The following MAGI2 variants were observed in gnomAD, a reference collection of about 807,000 sequenced individuals.
The protein encoded by MAGI2 is membrane-associated guanylate kinase, WW and PDZ domain-containing protein 2.
Under a neutral mutation model 133.3 loss-of-function variants are expected in MAGI2, and 35 were observed. That is an observed-to-expected ratio of 0.26 (90% CI 0.20 to 0.35). The LOEUF is 0.35. Among genes scored for constraint, MAGI2 ranks in the 10% least tolerant of loss-of-function variants. MAGI2 has a pLI of 1.00. For synonymous variants in MAGI2, 729 were observed against 710.6 expected (o/e 1.03, Z -0.41); for missense variants, 1,636 against 1,863.4 (o/e 0.88, Z 2.25).
intron 3 of MAGI2, among the ~76,000 whole-genome samples, chr7:78,601,907 G>T (rs2150880395): frequency 6.6e-6 from 1 of 152,268 alleles, no homozygotes; most frequent in East Asian, 1.9e-4. Context: ...GTATAAATCT[G>T]CCTTTGTCTT....
At chr7:78,838,605 C>T (rs1224419616) in intron 2 of MAGI2, among the ~76,000 whole-genome samples, 1 of 151,272 alleles carries the variant, frequency 6.6e-6, no homozygotes, top group African/African-American at 2.4e-5. Context: ...ATTCTTATGG[C>T]CAAACGTTTC....
intron 1 of MAGI2, among the ~76,000 whole-genome samples, chr7:79,090,575 T>C (rs1562878835): frequency 6.6e-6 from 1 of 152,134 alleles, no homozygotes; most frequent in East Asian, 1.9e-4. Context: ...TCGTAGCTCA[T>C]GCGACATGTA....
At chr7:78,696,207 G>A (rs2151135559) in intron 2 of MAGI2, among the ~76,000 whole-genome samples, 1 of 152,116 alleles carries the variant, frequency 6.6e-6, no homozygotes, top group African/African-American at 2.4e-5. Context: ...CAAAGTGTTG[G>A]GATTACAGGC....
intron 1 of MAGI2, among the ~76,000 whole-genome samples, chr7:79,123,899 T>G (rs1368398162): frequency 1.3e-5 from 2 of 152,246 alleles, no homozygotes; most frequent in East Asian, 3.9e-4. Context: ...TTTAGTTGTC[T>G]TATTTGTTGT....
intron 21 of MAGI2, among the ~76,000 whole-genome samples, chr7:78,058,003 A>ATATGTGTGTGTGTGTGTGTGTGTGTGTG: frequency 5.1e-5 from 6 of 117,058 alleles, no homozygotes; most frequent in African/African-American, 2.0e-4. Flanking sequence ...ATATATATAT[A>ATATGTGTGTGTGTGTGTGTGTGTGTGTG]TGTATGAGAA....
At chr7:78,691,011 C>T (rs975368090) in intron 2 of MAGI2, among the ~76,000 whole-genome samples, 1 of 151,550 alleles carries the variant, frequency 6.6e-6, no homozygotes, top group Admixed American at 6.6e-5. Flanking sequence ...CTTGACTTTT[C>T]TTTTCCATAT....
At chr7:78,462,505 A>C (rs1398433346) in intron 6 of MAGI2, among the ~76,000 whole-genome samples, 1 of 152,220 alleles carries the variant, frequency 6.6e-6, no homozygotes, top group Admixed American at 6.5e-5. Context: ...TTAATATTGA[A>C]AATCTATTGC....
chr7:78,866,941 G>C (rs1044566432), intron 2 of MAGI2, among the ~76,000 whole-genome samples: 3 of 152,048 alleles, frequency 2.0e-5, no homozygotes, highest in Non-Finnish European at 4.4e-5. Context: ...ATGAAAAAAT[G>C]CTCACCATCA....
intron 3 of MAGI2, among the ~76,000 whole-genome samples, chr7:78,607,804 T>A (rs1470678511): frequency 1.3e-5 from 2 of 152,168 alleles, no homozygotes; most frequent in Admixed American, 1.3e-4. Flanking sequence ...GGCACACAGA[T>A]CCATGAGAGC....
intron 2 of MAGI2, among the ~76,000 whole-genome samples, chr7:78,904,630 A>G (rs1399850001): frequency 6.7e-6 from 1 of 149,980 alleles, no homozygotes; most frequent in East Asian, 2.0e-4. Flanking sequence ...CCTGAGGACT[A>G]CACCTGGGAC....
At chr7:79,401,199 AT>A (rs1845446620) in intron 1 of MAGI2, among the ~76,000 whole-genome samples, 1 of 152,178 alleles carries the variant, frequency 6.6e-6, no homozygotes, top group Non-Finnish European at 1.5e-5. Context: ...AATAATGTTG[AT>A]TTGTGTATAG....
intron 6 of MAGI2, among the ~76,000 whole-genome samples, chr7:78,445,377 T>C (rs1245338551): frequency 1.3e-5 from 2 of 152,092 alleles, no homozygotes; most frequent in Non-Finnish European, 2.9e-5. Context: ...GAATTCTTTA[T>C]ACTGATCCAT....
At chr7:79,042,471 T>G (rs534970018) in intron 1 of MAGI2, among the ~76,000 whole-genome samples, 1 of 152,302 alleles carries the variant, frequency 6.6e-6, no homozygotes, top group East Asian at 1.9e-4. Flanking sequence ...GGGTCTTGCT[T>G]CTTTATCCAA....
In MAGI2 at chr7:78,074,498, T is replaced by TA. The variant is rs796115068; in HGVS notation, c.3706+4448dup. Among the ~76,000 whole-genome samples, 1,085 of 150,254 alleles carry TA rather than the reference T, an allele frequency of 7.2e-3. 17 individuals carry two copies. Among genetic ancestry groups the TA allele is most frequent in the African/African-American group, 0.025 (1,013 of 41,076 alleles). On this transcript the variant is annotated intron_variant, in intron 21 of 21. Coordinates refer to ENST00000354212, the MANE Select transcript of MAGI2 (RefSeq NM_012301.4). ...TTGAAATCCTTCCACAGGGAGTGGT[T>TA]AAAAAAAAAATCGGTTTTCCCATGA...
intron 4 of MAGI2, among the ~76,000 whole-genome samples, chr7:78,513,211 A>C (rs1292999772): frequency 1.3e-5 from 2 of 152,186 alleles, no homozygotes; most frequent in Non-Finnish European, 2.9e-5. Context: ...ATGAAAGAGA[A>C]AATTAGGAAG....
chr7:78,616,182 G>T (rs1485831788), intron 3 of MAGI2: 1 of 152,136 alleles, frequency 6.6e-6, no homozygotes, highest in African/African-American at 2.4e-5. Flanking sequence ...ACACATTCTA[G>T]TTCCTTTGTT....
chr7:78,240,516 G>C (rs189035391), intron 10 of MAGI2, among the ~76,000 whole-genome samples: 52 of 152,230 alleles, frequency 3.4e-4, no homozygotes, highest in Non-Finnish European at 2.9e-4. Flanking sequence ...AGCATATTTT[G>C]GTAAGTGAAA....
At chr7:78,214,364 TA>T (rs1788064137) in intron 10 of MAGI2, among the ~76,000 whole-genome samples, 1 of 152,210 alleles carries the variant, frequency 6.6e-6, no homozygotes. Flanking sequence ...TTAAAATACT[TA>T]CCTATTTTGT....
chr7:79,252,414 A>G (rs764323756), intron 1 of MAGI2, among the ~76,000 whole-genome samples: 1 of 152,108 alleles, frequency 6.6e-6, no homozygotes, highest in African/African-American at 2.4e-5. Flanking sequence ...ACGGAGATAG[A>G]CAGTGGAATG....
Sources: allele counts gnomAD v4.1 joint callset (sites outside exome capture counted in the v4.1 genomes callset), GRCh38; gene constraint gnomAD v4.1.1; transcripts MANE v1.5; gene names NCBI Gene and HGNC (gene_info 2026-07-23, HGNC 2026-07-21).